The following SLC35F1 variants were observed in gnomAD, a reference collection of about 807,000 sequenced individuals.
SLC35F1 encodes the protein solute carrier family 35 member F1, also known as chromosome 6 open reading frame 169.
Under a neutral mutation model 48.7 loss-of-function variants are expected in SLC35F1, and 14 were observed. That is an observed-to-expected ratio of 0.29 (90% CI 0.19 to 0.45). The LOEUF (loss-of-function observed/expected upper bound fraction) is 0.45. Ranked by LOEUF, SLC35F1 falls within the 20% of genes least tolerant of loss-of-function variation. SLC35F1 has a pLI of 1.00. For synonymous variants in SLC35F1, 190 were observed against 202.2 expected, an observed-to-expected ratio of 0.94 and a Z score of 0.51; for missense variants, 404 against 500.0, an observed-to-expected ratio of 0.81 and a Z score of 1.83.
intron 3 of SLC35F1, among the ~76,000 whole-genome samples, chr6:118,256,566 C>T (rs1257994970): frequency 6.6e-6 from 1 of 152,118 alleles, no homozygotes; most frequent in Non-Finnish European, 1.5e-5. Context: ...GAGGTCACCT[C>T]ATTATGCTCT....
At chr6:117,916,504 C>T (rs1408827240) in intron 1 of SLC35F1, among the ~76,000 whole-genome samples, 1 of 152,068 alleles carries the variant, frequency 6.6e-6, no homozygotes, top group South Asian at 2.1e-4. Flanking sequence ...AGTCATGACC[C>T]TGAAAATCTG....
At chr6:118,060,218 T>C (rs185266363) in intron 1 of SLC35F1, among the ~76,000 whole-genome samples, 1 of 152,244 alleles carries the variant, frequency 6.6e-6, no homozygotes, top group East Asian at 1.9e-4. Flanking sequence ...AGATGCCAAA[T>C]ACAAAGTGCC....
chr6:117,931,340 G>T (rs767931658), intron 1 of SLC35F1, among the ~76,000 whole-genome samples: 5 of 152,124 alleles, frequency 3.3e-5, no homozygotes, highest in Non-Finnish European at 7.4e-5. Flanking sequence ...AACAATACTA[G>T]TATACAGGTT....
At chr6:118,127,981 C>T (rs537928915) in intron 1 of SLC35F1, among the ~76,000 whole-genome samples, 116 of 152,024 alleles carry the variant, frequency 7.6e-4, no homozygotes, top group African/African-American at 2.7e-3. Context: ...ACAAACAACC[C>T]CATCAAAAAG....
intron 1 of SLC35F1, among the ~76,000 whole-genome samples, chr6:117,908,255 G>A (rs970693967): frequency 1.3e-5 from 2 of 152,090 alleles, no homozygotes; most frequent in Non-Finnish European, 2.9e-5. Context: ...ATCGGGGGTC[G>A]GGGGGACGCG....
intron 2 of SLC35F1, among the ~76,000 whole-genome samples, chr6:118,216,324 TG>T: frequency 6.6e-6 from 1 of 151,914 alleles, no homozygotes; most frequent in Non-Finnish European, 1.5e-5. Context: ...TCAAAAGTGC[TG>T]GGATTACAGG....
At chr6:118,131,027 G>A (rs1369319571) in intron 1 of SLC35F1, among the ~76,000 whole-genome samples, 4 of 151,994 alleles carry the variant, frequency 2.6e-5, no homozygotes, top group Non-Finnish European at 5.9e-5. Flanking sequence ...CTCATACCAC[G>A]AATATGAATT....
At chr6:118,086,947 C>A (rs974889514) in intron 1 of SLC35F1, among the ~76,000 whole-genome samples, 3 of 152,138 alleles carry the variant, frequency 2.0e-5, no homozygotes, top group Non-Finnish European at 4.4e-5. Flanking sequence ...TCTCTGCTAT[C>A]TTTAAAAGCA....
chr6:118,116,191 C>T (rs1773473926), intron 1 of SLC35F1, among the ~76,000 whole-genome samples: 1 of 152,118 alleles, frequency 6.6e-6, no homozygotes, highest in Non-Finnish European at 1.5e-5. Context: ...AGAGGTATGC[C>T]ACTTTATAGA....
intron 2 of SLC35F1, among the ~76,000 whole-genome samples, chr6:118,211,900 A>G (rs1775005028): frequency 6.6e-6 from 1 of 152,230 alleles, no homozygotes; most frequent in South Asian, 2.1e-4. Flanking sequence ...ACAGGCATCC[A>G]CAGATAATAA....
chr6:118,003,897 G>A (rs1259277884), intron 1 of SLC35F1, among the ~76,000 whole-genome samples: 1 of 152,106 alleles, frequency 6.6e-6, no homozygotes, highest in African/African-American at 2.4e-5. Flanking sequence ...GGTAAGAGGA[G>A]AGATTCAGAA....
At position 117,916,870 on chromosome 6, in the gene SLC35F1, T is replaced by A. The variant is rs72955851; in HGVS notation, c.173+8971T>A. 7.1e-3 allele frequency among the ~76,000 whole-genome samples: 1,077 copies of A among 152,316 alleles called. 7 individuals carry two copies. Among genetic ancestry groups the A allele is most frequent in the Non-Finnish European group, 0.011 (762 of 68,022 alleles). On this transcript the variant is annotated intron_variant, in intron 1 of 7. Transcript: ENST00000360388. The stretch of plus-strand genomic sequence containing the variant: ...GCACAGACCAGGAGCCCCTCAGCCA[T>A]TTAACAAAGAATTACTGAGTCAGGT...
chr6:118,156,194 T>A (rs1281776755), intron 2 of SLC35F1, among the ~76,000 whole-genome samples: 6 of 151,860 alleles, frequency 4.0e-5, no homozygotes, highest in African/African-American at 9.7e-5. Flanking sequence ...ATTTGGAAGC[T>A]AATAGTTTTG....
rs1378642412 is a variant in SLC35F1, at chr6:118,080,694, AAATAGTGATTGG to A, written c.174-73750_174-73739del. On this transcript the variant is annotated intron_variant, in intron 1 of 7. Transcript: ENST00000360388. ...TGCAGGGGCTCTTCTCGTTTGATTG[AAATAGTGATTGG>A]GAAGATAGTGGGAGTCCTTACTGTG... is the stretch of plus-strand genomic sequence containing the variant. Among the ~76,000 whole-genome samples the A allele has an allele frequency of 1.3e-4, 20 of 152,254 alleles. 1 individual carries two copies. In the South Asian group the frequency reaches 4.2e-3, roughly 32 times the overall value.
chr6:117,957,506 C>G (rs1277696320), intron 1 of SLC35F1, among the ~76,000 whole-genome samples: 1 of 152,196 alleles, frequency 6.6e-6, no homozygotes, highest in Non-Finnish European at 1.5e-5. Context: ...TTTTGTCATA[C>G]AGTCCATTGT....
chr6:118,194,465 A>ATTTT (rs555458306), intron 2 of SLC35F1, among the ~76,000 whole-genome samples: 1 of 149,980 alleles, frequency 6.7e-6, no homozygotes, highest in Non-Finnish European at 1.5e-5. Context: ...GGCCTCATCT[A>ATTTT]TTTTTTTTTT....
chr6:117,944,592 T>TACACACACAC (rs60520269), intron 1 of SLC35F1, among the ~76,000 whole-genome samples: 34 of 135,898 alleles, frequency 2.5e-4, no homozygotes, highest in African/African-American at 8.3e-4. Context: ...CACATACACA[T>TACACACACAC]ACACACACAC....
intron 1 of SLC35F1, among the ~76,000 whole-genome samples, chr6:117,958,883 A>G (rs1347326727): frequency 1.3e-5 from 2 of 152,226 alleles, no homozygotes; most frequent in African/African-American, 4.8e-5. Flanking sequence ...GTTTCAGTGA[A>G]AGACTATAGT....
In SLC35F1 at chr6:117,923,726, C is replaced by CAT. The variant is rs1419357796; in HGVS notation, c.173+15830_173+15831dup. On this transcript the variant is annotated intron_variant, in intron 1 of 7. Transcript: ENST00000360388. ...ATATATGTACATATATACATATATA[C>CAT]ATATGTATATATACATATATGTACA... is the stretch of plus-strand genomic sequence containing the variant. 1.6e-3 allele frequency among the ~76,000 whole-genome samples: 135 copies of CAT among 83,848 alleles called. 12 individuals carry two copies. The highest frequency in any genetic ancestry group is 4.7e-3 in the African/African-American group (94 of 19,920). 55.0% of individuals were successfully genotyped at this position (83,848 alleles called of 152,430 possible).
Sources: gnomAD v4.1 joint callset for allele counts (sites outside exome capture counted in the v4.1 genomes callset) on GRCh38, gnomAD v4.1.1 for gene constraint, MANE v1.5 for transcripts, NCBI Gene and HGNC (gene_info 2026-07-23, HGNC 2026-07-21) for gene names.